SMIM36: variants seen among roughly 807,000 people sequenced by gnomAD.
SMIM36 encodes the protein small integral membrane protein 36.
rs556078907 is a variant in SMIM36, at chr17:55,486,259, G to C, written c.*175-6679C>G. On this transcript the variant is annotated intron_variant, in intron 1 of 4. Coordinates refer to ENST00000636752, the Ensembl canonical transcript of SMIM36. The stretch of plus-strand genomic sequence containing the variant: ...TCACCATGTTGGCCAGGATGGTCTC[G>C]ATCTCTTGACCTCGTGATCCACACA... Among the ~76,000 whole-genome samples, 4 of 150,906 alleles carry C rather than the reference G, an allele frequency of 2.7e-5. No individual in the cohort carries two copies. In the East Asian group the frequency reaches 7.9e-4, roughly 30 times the overall value.
chr17:55,464,574 C>G (rs1909203373), intron 4 of SMIM36, among the ~76,000 whole-genome samples: 1 of 152,104 alleles, frequency 6.6e-6, no homozygotes, highest in Non-Finnish European at 1.5e-5. Context: ...ACTCAGTACA[C>G]ACAGAAGGAA....
At chr17:55,488,234 T>A (rs1426786705) in intron 1 of SMIM36, among the ~76,000 whole-genome samples, 2 of 151,628 alleles carry the variant, frequency 1.3e-5, no homozygotes, top group Non-Finnish European at 2.9e-5. Context: ...TGTGCCCACT[T>A]GGTCCCTGCA....
At chr17:55,501,455 T>G (rs1373026079) in intron 1 of SMIM36, among the ~76,000 whole-genome samples, 2 of 79,096 alleles carry the variant, frequency 2.5e-5, no homozygotes, top group African/African-American at 6.5e-5. Context: ...ATATAATATA[T>G]TATTATATAT....
At chr17:55,515,084 GTGTTTTTTTTTTTTTT>G (rs1910247518), upstream of SMIM36, among the ~76,000 whole-genome samples, 2 of 56,102 alleles carry the variant, frequency 3.6e-5, no homozygotes, top group South Asian at 7.0e-4. Context: ...TTCTAGTCTA[GTGTTTTTTTTTTTTTT>G]TTTTTTTTTT....
At chr17:55,459,276 T>G (rs887338880) in intron 4 of SMIM36, among the ~76,000 whole-genome samples, 3 of 152,212 alleles carry the variant, frequency 2.0e-5, no homozygotes, top group Admixed American at 6.5e-5. Context: ...TTGTTCTAAG[T>G]CATCTCTAGG....
chr17:55,528,797 C>A, the SMIM36 span, among the ~76,000 whole-genome samples: 1 of 152,080 alleles, frequency 6.6e-6, no homozygotes, highest in African/African-American at 2.4e-5. Context: ...ATGATCTGAC[C>A]CTCTAGGCCT....
chr17:55,514,937 G>T (rs1340931316), upstream of SMIM36, among the ~76,000 whole-genome samples: 1 of 152,094 alleles, frequency 6.6e-6, no homozygotes, highest in Non-Finnish European at 1.5e-5. Context: ...AGGTAAAAAT[G>T]TTATAAACTT....
chr17:55,502,890 G>A (rs1295333633), intron 1 of SMIM36, among the ~76,000 whole-genome samples: 2 of 138,210 alleles, frequency 1.4e-5, no homozygotes, highest in African/African-American at 2.9e-5. Flanking sequence ...GGAGCTGATG[G>A]AGCTGAAAAC....
chr17:55,477,236 T>C (rs568526551), intron 3 of SMIM36: 2 of 152,358 alleles, frequency 1.3e-5, no homozygotes, highest in East Asian at 1.9e-4. Flanking sequence ...CAGAAATGTA[T>C]TGTTTCATAG....
chr17:55,526,932 G>T, the SMIM36 span: 1 of 152,128 alleles, frequency 6.6e-6, no homozygotes, highest in African/African-American at 2.4e-5. Context: ...CTCAACGGTG[G>T]CTCTACTCCC....
intron 3 of SMIM36, among the ~76,000 whole-genome samples, chr17:55,477,922 T>A (rs139642271): frequency 6.6e-6 from 1 of 151,884 alleles, no homozygotes. Flanking sequence ...CATATTCCCA[T>A]GTCCTAGTTA....
At chr17:55,497,762 C>A (rs535514810) in intron 1 of SMIM36, among the ~76,000 whole-genome samples, 1 of 152,144 alleles carries the variant, frequency 6.6e-6, no homozygotes, top group Non-Finnish European at 1.5e-5. Flanking sequence ...TGTGCAGCAT[C>A]GATTTCCTAG....
intron 4 of SMIM36, among the ~76,000 whole-genome samples, chr17:55,452,070 A>T (rs1436298253): frequency 7.0e-6 from 1 of 143,070 alleles, no homozygotes; most frequent in Non-Finnish European, 1.5e-5. Flanking sequence ...ACTGTACTCC[A>T]GCCTGGGTGA....
chr17:55,493,836 C>G (rs1909760977), intron 1 of SMIM36, among the ~76,000 whole-genome samples: 1 of 134,728 alleles, frequency 7.4e-6, no homozygotes, highest in African/African-American at 2.8e-5. Flanking sequence ...AAAAAAAAAG[C>G]AGCAGCAGCT....
upstream of SMIM36, among the ~76,000 whole-genome samples, chr17:55,513,922 C>T (rs1467305648): frequency 1.3e-5 from 2 of 152,108 alleles, no homozygotes; most frequent in Admixed American, 1.3e-4. Context: ...TGCTGATACC[C>T]GTGGTGTCCC....
chr17:55,501,168 CTTATATA>C lies in SMIM36; in HGVS notation c.*174+9704_*174+9710del, dbSNP rs1567870904. Reference sequence around the variant, plus strand: ...TTATATTTTATAATATATAATATATCTTATATATTATAATATATAATATATCTTATAT... The same window carrying C: ...TTATATTTTATAATATATAATATATCTTATAATATATAATATATCTTATAT... On this transcript the variant is annotated intron_variant, in intron 1 of 4. Coordinates refer to ENST00000636752, the Ensembl canonical transcript of SMIM36. Among the ~76,000 whole-genome samples, 21 of 2,218 alleles carry C rather than the reference CTTATATA, an allele frequency of 9.5e-3. 2 individuals are homozygous for C. Among genetic ancestry groups the C allele is most frequent in the East Asian group, 0.056 (2 of 36 alleles). The allele number at this position is 2,218 out of a possible 152,430, so 1.5% of individuals were successfully genotyped here.
chr17:55,487,580 G>T (rs760162267), intron 1 of SMIM36, among the ~76,000 whole-genome samples: 1 of 152,172 alleles, frequency 6.6e-6, no homozygotes, highest in Non-Finnish European at 1.5e-5. Flanking sequence ...ACACCAGAAC[G>T]GAGTGAGATG....
At position 55,501,097 on chromosome 17, in the gene SMIM36, T is replaced by A. The variant is rs796263062; in HGVS notation, c.*174+9782A>T. Among the ~76,000 whole-genome samples the A allele has an allele frequency of 2.4e-3, 29 of 12,184 alleles. 5 individuals carry two copies. The highest frequency in any genetic ancestry group is 7.1e-3 in the African/African-American group (10 of 1,406). 8.0% of individuals were successfully genotyped at this position (12,184 alleles called of 152,430 possible). A position where few individuals can be genotyped will look rare whatever the true frequency, so the allele number is the denominator to read the frequency against. ...TATAATATATAATATACTATTATAT[T>A]TTATAATATATAATATATATCATAT... On this transcript the variant is annotated intron_variant, in intron 1 of 4. Coordinates refer to ENST00000636752, the Ensembl canonical transcript of SMIM36.
At chr17:55,475,157 C>T (rs958820658) in intron 3 of SMIM36, among the ~76,000 whole-genome samples, 1 of 152,140 alleles carries the variant, frequency 6.6e-6, no homozygotes, top group Non-Finnish European at 1.5e-5. Context: ...TCTTCTGTCT[C>T]GTCATACTCC....
Sources: allele counts gnomAD v4.1 joint callset (sites outside exome capture counted in the v4.1 genomes callset), GRCh38; gene constraint gnomAD v4.1.1; transcripts MANE v1.5; gene names NCBI Gene and HGNC (gene_info 2026-07-23, HGNC 2026-07-21).